MC2R: variants seen among roughly 807,000 people sequenced by gnomAD.
MC2R encodes melanocortin 2 receptor, also known as adrenocorticotropic hormone receptor.
MC2R carries 9 observed loss-of-function variants against 9.8 expected under a neutral mutation model. That is an observed-to-expected ratio of 0.92 (90% CI 0.55 to 1.60). The LOEUF is 1.60. Among genes scored for constraint, MC2R ranks in the 40% most tolerant of loss-of-function variants. The pLI, the probability that MC2R is intolerant of heterozygous loss-of-function variation, is 0.00. For missense variants in MC2R, 370 were observed against 389.0 expected, an observed-to-expected ratio of 0.95 and a Z score of 0.41; for synonymous variants, 185 against 154.7, an observed-to-expected ratio of 1.20 and a Z score of -1.45.
intron 1 of MC2R, among the ~76,000 whole-genome samples, chr18:13,909,386 T>C (rs114357102): frequency 6.6e-6 from 1 of 152,194 alleles, no homozygotes; most frequent in Non-Finnish European, 1.5e-5. Context: ...GTTTCCCCAC[T>C]GCAGTTAGTG....
intron 1 of MC2R, among the ~76,000 whole-genome samples, chr18:13,914,984 T>A (rs765603588): frequency 2.6e-5 from 4 of 152,204 alleles, no homozygotes; most frequent in African/African-American, 7.2e-5. Flanking sequence ...TGTGCGTGCA[T>A]CTCCCAGAAC....
chr18:13,887,369 C>A (rs1393811178), intron 1 of MC2R, among the ~76,000 whole-genome samples: 2 of 116,938 alleles, frequency 1.7e-5, no homozygotes, highest in Admixed American at 1.7e-4. Flanking sequence ...GCTGGGGAAG[C>A]CTCGGGGATG....
chr18:13,894,559 A>G (rs909952013), intron 1 of MC2R, among the ~76,000 whole-genome samples: 3 of 152,262 alleles, frequency 2.0e-5, no homozygotes, highest in African/African-American at 7.2e-5. Context: ...CCTGGAACAC[A>G]GTGTGGGTTC....
At chr18:13,901,446 G>T (rs2045379433) in intron 1 of MC2R, among the ~76,000 whole-genome samples, 1 of 151,784 alleles carries the variant, frequency 6.6e-6, no homozygotes, top group African/African-American at 2.4e-5. Context: ...AAGGATCAAA[G>T]AAAGAAATAG....
intron 1 of MC2R, among the ~76,000 whole-genome samples, chr18:13,890,740 C>T (rs1259956113): frequency 6.6e-6 from 1 of 152,206 alleles, no homozygotes; most frequent in African/African-American, 2.4e-5. Flanking sequence ...AGTACAAAGG[C>T]TCCCTCCCCA....
At position 13,894,581 on chromosome 18, in the gene MC2R, T is replaced by A. The variant is rs527802745; in HGVS notation, c.-128-8935A>T. On this transcript the variant is annotated intron_variant, in intron 1 of 1. Coordinates refer to ENST00000327606, the MANE Select transcript of MC2R (RefSeq NM_000529.2). ...CACAGTGTGGGTTCAATAAAGGAAATTATTCTTCAATTAGTTTTCATTGCC... is the reference window on the plus strand; with the variant it reads ...CACAGTGTGGGTTCAATAAAGGAAAATATTCTTCAATTAGTTTTCATTGCC... 1.3e-4 allele frequency among the ~76,000 whole-genome samples: 20 copies of A among 152,310 alleles called. No individual in the cohort carries two copies. In the East Asian group the frequency reaches 3.3e-3, roughly 25 times the overall value.
At chr18:13,904,488 C>G (rs777451245) in intron 1 of MC2R, among the ~76,000 whole-genome samples, 2 of 151,050 alleles carry the variant, frequency 1.3e-5, no homozygotes, top group Non-Finnish European at 2.9e-5. Flanking sequence ...AGATCTAGAA[C>G]AAGACAACGA....
At chr18:13,893,046 A>G (rs1179008741) in intron 1 of MC2R, among the ~76,000 whole-genome samples, 1 of 152,210 alleles carries the variant, frequency 6.6e-6, no homozygotes, top group East Asian at 1.9e-4. Flanking sequence ...TTTTCATAAC[A>G]GATCTCAATC....
chr18:13,897,806 C>T (rs2045355283), intron 1 of MC2R, among the ~76,000 whole-genome samples: 1 of 151,954 alleles, frequency 6.6e-6, no homozygotes. Flanking sequence ...AGGGAAGGAA[C>T]CAGTTCTGGC....
intron 1 of MC2R, among the ~76,000 whole-genome samples, chr18:13,913,012 C>T (rs930899470): frequency 1.1e-4 from 17 of 152,076 alleles, no homozygotes; most frequent in African/African-American, 3.6e-4. Context: ...ACAGCTTTTC[C>T]GACACTTCAC....
At chr18:13,908,706 TTGTGTGTGTGTG>T (rs57512236) in intron 1 of MC2R, among the ~76,000 whole-genome samples, 1 of 142,592 alleles carries the variant, frequency 7.0e-6, no homozygotes, top group East Asian at 2.0e-4. Flanking sequence ...CAGGAGCTTC[TTGTGTGTGTGTG>T]TGTGTGTGTG....
chr18:13,905,506 C>T (rs1297280046), intron 1 of MC2R, among the ~76,000 whole-genome samples: 1 of 151,112 alleles, frequency 6.6e-6, no homozygotes, highest in Non-Finnish European at 1.5e-5. Flanking sequence ...AGCTCAAGAT[C>T]ACTGATCATC....
chr18:13,898,913 C>A (rs534255690), intron 1 of MC2R, among the ~76,000 whole-genome samples: 1 of 152,208 alleles, frequency 6.6e-6, no homozygotes, highest in Non-Finnish European at 1.5e-5. Flanking sequence ...ACAAACAAGC[C>A]CAGCCAGTGA....
rs75298427 is a variant in MC2R, at chr18:13,893,333, G to A, written c.-128-7687C>T. 1.2e-3 allele frequency among the ~76,000 whole-genome samples: 178 copies of A among 152,330 alleles called. 1 individual carries two copies. The East Asian group carries it at 0.02, about 17-fold the overall frequency. ...GAGTATTGATAGTGAAAGTCAGAGA[G>A]TAATTTTTTACCACTGTGCCTTTTG... On this transcript the variant is annotated intron_variant, in intron 1 of 1. Coordinates refer to ENST00000327606, the MANE Select transcript of MC2R (RefSeq NM_000529.2).
chr18:13,890,996 C>A (rs1318480998), intron 1 of MC2R, among the ~76,000 whole-genome samples: 5 of 152,182 alleles, frequency 3.3e-5, no homozygotes, highest in African/African-American at 1.2e-4. Flanking sequence ...GGGTCTCAGA[C>A]TGCAGCACAG....
At chr18:13,886,671 G>C (rs1327537914) in intron 1 of MC2R, among the ~76,000 whole-genome samples, 1 of 152,216 alleles carries the variant, frequency 6.6e-6, no homozygotes, top group Non-Finnish European at 1.5e-5. Flanking sequence ...CAAAGGTGGA[G>C]CTCCTGGGAC....
chr18:13,886,370 T>C (rs2045276308), intron 1 of MC2R, among the ~76,000 whole-genome samples: 1 of 152,226 alleles, frequency 6.6e-6, no homozygotes, highest in African/African-American at 2.4e-5. Context: ...CCCATCCTTC[T>C]CGTGAACACA....
At chr18:13,908,501 A>C (rs2045426504) in intron 1 of MC2R, among the ~76,000 whole-genome samples, 1 of 152,202 alleles carries the variant, frequency 6.6e-6, no homozygotes, top group African/African-American at 2.4e-5. Flanking sequence ...TGTACATTCC[A>C]AAATGGCTAG....
intron 1 of MC2R, among the ~76,000 whole-genome samples, chr18:13,900,484 C>T (rs2045372429): frequency 6.6e-6 from 1 of 151,996 alleles, no homozygotes; most frequent in Non-Finnish European, 1.5e-5. Flanking sequence ...AAACATGACC[C>T]ATTGATCTGC....
Sources: allele counts gnomAD v4.1 joint callset (sites outside exome capture counted in the v4.1 genomes callset), GRCh38; gene constraint gnomAD v4.1.1; transcripts MANE v1.5; gene names NCBI Gene and HGNC (gene_info 2026-07-23, HGNC 2026-07-21).